The following COL25A1 variants were observed in gnomAD, a reference collection of about 807,000 sequenced individuals.
COL25A1 encodes collagen alpha-1(XXV) chain.
Under a neutral mutation model 128.4 loss-of-function variants are expected in COL25A1, and 103 were observed. That is an observed-to-expected ratio of 0.80 (90% confidence interval 0.68 to 0.94). The LOEUF (loss-of-function observed/expected upper bound fraction) is 0.94. Among genes scored for constraint, COL25A1 ranks in the 40% least tolerant of loss-of-function variants. The pLI is 0.00. For missense variants in COL25A1, 745 were observed against 840.0 expected (o/e 0.89, Z 1.40); for synonymous variants, 279 against 277.2 (o/e 1.01, Z -0.06).
chr4:109,124,164 T>C (rs374221825), intron 3 of COL25A1, among the ~76,000 whole-genome samples: 1 of 152,138 alleles, frequency 6.6e-6, no homozygotes, highest in African/African-American at 2.4e-5. Context: ...TTTTACTTCA[T>C]GCAAATGGTA....
intron 13 of COL25A1, among the ~76,000 whole-genome samples, chr4:108,910,516 A>G (rs949588343): frequency 5.3e-5 from 8 of 152,212 alleles, no homozygotes; most frequent in African/African-American, 1.4e-4. Context: ...AAAAATGAGG[A>G]AACTAAGGCT....
chr4:108,910,927 T>C (rs1744133022), intron 13 of COL25A1, among the ~76,000 whole-genome samples: 1 of 152,306 alleles, frequency 6.6e-6, no homozygotes, highest in South Asian at 2.1e-4. Flanking sequence ...CAGTTTCTCA[T>C]AAACTAATCC....
chr4:108,945,066 C>T (rs527602328), intron 8 of COL25A1, among the ~76,000 whole-genome samples: 36 of 152,082 alleles, frequency 2.4e-4, no homozygotes, highest in African/African-American at 8.4e-4. Flanking sequence ...TAAAAGTAAC[C>T]CTCAGAGTAT....
intron 19 of COL25A1, among the ~76,000 whole-genome samples, chr4:108,880,167 G>C (rs1739955982): frequency 6.6e-6 from 1 of 152,188 alleles, no homozygotes; most frequent in Non-Finnish European, 1.5e-5. Flanking sequence ...GGAGCCTGGA[G>C]AATTTCCATC....
intron 5 of COL25A1, among the ~76,000 whole-genome samples, chr4:109,018,250 T>C (rs919995562): frequency 6.6e-6 from 1 of 151,932 alleles, no homozygotes; most frequent in African/African-American, 2.4e-5. Flanking sequence ...TTGAGATGGA[T>C]TTTTGCTCTT....
chr4:109,051,620 TACACACAC>T (rs61340199), intron 3 of COL25A1, among the ~76,000 whole-genome samples: 2 of 148,446 alleles, frequency 1.3e-5, no homozygotes, highest in African/African-American at 2.5e-5. Context: ...CACACATACA[TACACACAC>T]ACACACACAC....
chr4:109,276,516 C>CTATACTTTGGGGGGAA (rs1722867293), intron 3 of COL25A1, among the ~76,000 whole-genome samples: 1 of 151,804 alleles, frequency 6.6e-6, no homozygotes, highest in African/African-American at 2.4e-5. Flanking sequence ...GGGGGGAAAT[C>CTATACTTTGGGGGGAA]TTACAAAACT....
At chr4:108,974,283 A>G in intron 8 of COL25A1, 84 bp downstream of exon 8, 2 of 1,412,668 alleles carry the variant, frequency 1.4e-6, no homozygotes, top group East Asian at 2.3e-5. Flanking sequence ...GCACAAAGGC[A>G]GTTATGAAGC....
chr4:108,823,972 T>C, intron 35 of COL25A1: 1 of 1,500,530 alleles, frequency 6.7e-7, no homozygotes, highest in Non-Finnish European at 8.8e-7. Context: ...TTTTCTTCTA[T>C]GCCAGGCAGT....
intron 28 of COL25A1, among the ~76,000 whole-genome samples, chr4:108,845,885 A>G (rs1175651521): frequency 1.3e-5 from 2 of 152,162 alleles, no homozygotes; most frequent in Non-Finnish European, 2.9e-5. Context: ...AACTATGTTT[A>G]TTTTATTATC....
At chr4:109,078,592 T>C (rs1484594232) in intron 3 of COL25A1, among the ~76,000 whole-genome samples, 1 of 152,018 alleles carries the variant, frequency 6.6e-6, no homozygotes, top group Non-Finnish European at 1.5e-5. Flanking sequence ...TTTATTAAAA[T>C]GGAATATAGA....
At chr4:108,862,598 A>G (rs1737387554) in intron 21 of COL25A1, 53 bp from the exon 22 acceptor site, 4 of 1,483,542 alleles carry the variant, frequency 2.7e-6, no homozygotes, top group African/African-American at 1.4e-5. Context: ...AAGAGATAAG[A>G]ACAGAAAAAT....
At chr4:108,915,321 G>C (rs997019320) in intron 13 of COL25A1, among the ~76,000 whole-genome samples, 12 of 152,064 alleles carry the variant, frequency 7.9e-5, no homozygotes, top group African/African-American at 2.9e-4. Flanking sequence ...ATGTTCTATG[G>C]GAAACAAAGC....
chr4:109,254,708 A>T (rs1284605908), intron 3 of COL25A1, among the ~76,000 whole-genome samples: 1 of 151,726 alleles, frequency 6.6e-6, no homozygotes, highest in East Asian at 1.9e-4. Context: ...ATTGAGCTGA[A>T]TTTAAAGAAA....
At chr4:109,087,582 T>C (rs917055814) in intron 3 of COL25A1, among the ~76,000 whole-genome samples, 1 of 152,216 alleles carries the variant, frequency 6.6e-6, no homozygotes, top group African/African-American at 2.4e-5. Context: ...GGTCCTCTAC[T>C]CTATTGAACC....
chr4:109,025,931 G>A (rs1461233611), intron 5 of COL25A1, among the ~76,000 whole-genome samples: 1 of 151,974 alleles, frequency 6.6e-6, no homozygotes, highest in African/African-American at 2.4e-5. Flanking sequence ...ATGAACATGG[G>A]TTTATTTGAC....
chr4:109,239,394 G>GTGTGTATATATA (rs1491198097), intron 3 of COL25A1, among the ~76,000 whole-genome samples: 6 of 116,538 alleles, frequency 5.1e-5, no homozygotes, highest in African/African-American at 2.2e-4. Context: ...GTGTGTGTGT[G>GTGTGTATATATA]TATATATATA....
At chr4:108,855,191 G>GTTTT (rs35873529) in intron 24 of COL25A1, among the ~76,000 whole-genome samples, 4,217 of 131,564 alleles carry the variant, frequency 0.032, 133 homozygotes, top group South Asian at 0.074. Context: ...TGTTGTTACT[G>GTTTT]TTTTTTTTTT....
At chr4:108,825,271 T>G in intron 33 of COL25A1, 49 bp from the exon 34 acceptor site, 2 of 1,478,814 alleles carry the variant, frequency 1.4e-6, no homozygotes, top group Non-Finnish European at 1.9e-6. Context: ...GTTTTGTGAA[T>G]AGATTATTGC....
Sources: gnomAD v4.1 joint callset for allele counts (sites outside exome capture counted in the v4.1 genomes callset) on GRCh38, gnomAD v4.1.1 for gene constraint, MANE v1.5 for transcripts, NCBI Gene and HGNC (gene_info 2026-07-23, HGNC 2026-07-21) for gene names.